COLEC11: variants seen among roughly 807,000 people sequenced by gnomAD.
COLEC11 encodes collectin-11.
In COLEC11, 20 loss-of-function variants were observed where a neutral mutation model predicts 27.3. The observed-to-expected ratio is 0.73, with a 90% CI of 0.51 to 1.06. The LOEUF (loss-of-function observed/expected upper bound fraction) is 1.06, where lower values mean the gene tolerates loss of function less well. Among genes scored for constraint, COLEC11 ranks in the 50% least tolerant of loss-of-function variants. The probability of loss-of-function intolerance (pLI) is 0.00; values close to 1 mark genes in which losing one functional copy is unlikely to be tolerated. For missense variants in COLEC11, 310 were observed against 383.0 expected, an observed-to-expected ratio of 0.81 and a Z score of 1.59; for synonymous variants, 163 against 154.7, an observed-to-expected ratio of 1.05 and a Z score of -0.40.
At chr2:3,620,843 G>A (rs372090345) in intron 3 of COLEC11, among the ~76,000 whole-genome samples, 2 of 152,014 alleles carry the variant, frequency 1.3e-5, no homozygotes, top group African/African-American at 2.4e-5. Context: ...GTGAATTTTC[G>A]TTTTCCTCCT....
chr2:3,595,630 C>T (rs886102846), intron 1 of COLEC11, among the ~76,000 whole-genome samples: 1 of 152,118 alleles, frequency 6.6e-6, no homozygotes, highest in Non-Finnish European at 1.5e-5. Context: ...GGCTCAGGAA[C>T]GGGGATCAGA....
At chr2:3,628,661 T>C (rs1307124759) in intron 3 of COLEC11, among the ~76,000 whole-genome samples, 1 of 152,206 alleles carries the variant, frequency 6.6e-6, no homozygotes, top group East Asian at 1.9e-4. Flanking sequence ...GATGGCCTAT[T>C]CTGAGATAAA....
intron 2 of COLEC11, chr2:3,604,893 C>CT: frequency 5.3e-6 from 2 of 378,868 alleles, no homozygotes; most frequent in South Asian, 4.3e-5. Context: ...CCTGAGAGCT[C>CT]TTAATATTTT....
At chr2:3,613,646 C>T (rs1663415295) in intron 3 of COLEC11, among the ~76,000 whole-genome samples, 1 of 152,174 alleles carries the variant, frequency 6.6e-6, no homozygotes, top group South Asian at 2.1e-4. Flanking sequence ...CCCTTTAAGC[C>T]TCATCTGTAA....
intron 1 of COLEC11, among the ~76,000 whole-genome samples, chr2:3,600,260 CAA>C (rs200416081): frequency 0.097 from 14,527 of 149,272 alleles, 795 homozygotes; most frequent in Admixed American, 0.15. Context: ...AAGCAAAACT[CAA>C]AAGCAAGCAA....
At chr2:3,611,857 C>CA (rs1048019632) in intron 2 of COLEC11, among the ~76,000 whole-genome samples, 9 of 152,216 alleles carry the variant, frequency 5.9e-5, no homozygotes, top group Admixed American at 3.9e-4. Flanking sequence ...CTCTCCAAGA[C>CA]AAGGTGTGTG....
At position 3,640,306 on chromosome 2, in the gene COLEC11, AC is replaced by A; in HGVS notation, c.308del (p.Pro103LeufsTer30). On this transcript the variant is annotated frameshift_variant, in exon 5 of 7. Transcript: ENST00000349077. LOFTEE classifies it high-confidence loss of function. ...GEKGDSGDIG[P>X]PGPNGEPGLP... ...AGAAAGGAGATTCCGGTGACATAGG[AC>A]CCCCTGGTCCTAATGGAGAACCAGG... 2 of 1,602,920 alleles carry A rather than the reference AC, an allele frequency of 1.2e-6. No homozygotes were observed. Among genetic ancestry groups the A allele is most frequent in the Non-Finnish European group, 1.7e-6 (2 of 1,170,068 alleles).
intron 3 of COLEC11, among the ~76,000 whole-genome samples, chr2:3,629,098 G>C (rs894593991): frequency 1.3e-5 from 2 of 152,208 alleles, no homozygotes; most frequent in African/African-American, 4.8e-5. Flanking sequence ...AGGCGTTAGG[G>C]CTCTTGTTCT....
Position 3,605,944 on chromosome 2 carries a change from GA to G in COLEC11, c.130+1475del, listed in dbSNP as rs113427136. ...ACCAAGTGGACTGTCCTGCAGCCCA[GA>G]CAAGCCCAGTGGCCTTTGTGCTTTT... On this transcript the variant is annotated intron_variant, in intron 2 of 6. Transcript: ENST00000349077. 2.3e-5 allele frequency: 23 copies of G among 984,770 alleles called. No individual in the cohort carries two copies. The African/African-American group carries it at 3.6e-4, about 15-fold the overall frequency. 61.0% of individuals were successfully genotyped at this position (984,770 alleles called of 1,614,324 possible).
intron 2 of COLEC11, among the ~76,000 whole-genome samples, chr2:3,607,434 T>A (rs992320998): frequency 6.8e-6 from 1 of 146,106 alleles, no homozygotes; most frequent in Non-Finnish European, 1.5e-5. Context: ...CTTTATCAAA[T>A]GAATTTTTTT....
At chr2:3,613,515 C>G (rs924611525) in intron 3 of COLEC11, 133 bp downstream of exon 3, 1 of 870,460 alleles carries the variant, frequency 1.1e-6, no homozygotes, top group Non-Finnish European at 1.8e-6. Context: ...GGGAGGCAGA[C>G]GGCATGGGAC....
chr2:3,603,542 C>G, intron 1 of COLEC11: 2 of 1,071,736 alleles, frequency 1.9e-6, no homozygotes, highest in Non-Finnish European at 2.8e-6. Flanking sequence ...GTCTCGAACT[C>G]CCGACTTTAG....
At chr2:3,605,984 G>A (rs1572394513) in intron 2 of COLEC11, 9 of 1,370,814 alleles carry the variant, frequency 6.6e-6, no homozygotes, top group African/African-American at 5.8e-5. Context: ...TGTGATAAAT[G>A]TACCTGCTTT....
At chr2:3,625,373 C>A (rs1416087899) in intron 3 of COLEC11, among the ~76,000 whole-genome samples, 1 of 152,090 alleles carries the variant, frequency 6.6e-6, no homozygotes, top group Non-Finnish European at 1.5e-5. Context: ...AGACAGCGTT[C>A]TTGGCTGCCT....
At chr2:3,626,114 C>T (rs757058716) in intron 3 of COLEC11, 1 of 1,586,690 alleles carries the variant, frequency 6.3e-7, no homozygotes, top group Non-Finnish European at 8.7e-7. Context: ...GGAAATCCCA[C>T]CTTCACACTT....
At chr2:3,604,248 C>T in intron 1 of COLEC11, 67 bp from the exon 2 acceptor site, 2 of 1,584,650 alleles carry the variant, frequency 1.3e-6, no homozygotes, top group East Asian at 4.5e-5. Flanking sequence ...CCTCCGAGGC[C>T]TGCTCACTGT....
At chr2:3,641,310 A>G (rs1572479814) in intron 5 of COLEC11, 1 of 1,303,686 alleles carries the variant, frequency 7.7e-7, no homozygotes, top group Non-Finnish European at 1.0e-6. Flanking sequence ...GACTTGGCTG[A>G]GTGTGAGTGC....
chr2:3,643,423 G>C (rs201867777), intron 5 of COLEC11, 21 bp from the exon 6 acceptor site: 1 of 1,600,996 alleles, frequency 6.2e-7, no homozygotes, highest in Admixed American at 1.7e-5. Context: ...CGTTTGTAAC[G>C]CGTGGGCCTG....
At chr2:3,607,596 C>A (rs1302458774) in intron 2 of COLEC11, among the ~76,000 whole-genome samples, 1 of 151,842 alleles carries the variant, frequency 6.6e-6, no homozygotes, top group East Asian at 1.9e-4. Flanking sequence ...TATAGGCGCG[C>A]ACCATCAACG....
Sources: allele counts gnomAD v4.1 joint callset (sites outside exome capture counted in the v4.1 genomes callset), GRCh38; gene constraint gnomAD v4.1.1; transcripts MANE v1.5; gene names NCBI Gene and HGNC (gene_info 2026-07-23, HGNC 2026-07-21).